Variants in DPP6 observed in about 807,000 individuals in gnomAD.
The protein encoded by DPP6 is A-type potassium channel modulatory protein DPP6.
A neutral mutation model predicts 122.6 loss-of-function variants in DPP6; 69 were observed. The ratio of observed to expected loss-of-function variants is 0.56; its 90% CI spans 0.46 to 0.69. DPP6 has a LOEUF of 0.69. DPP6 is among the 30% of genes least tolerant of loss of function. The pLI is 0.00. For synonymous variants in DPP6, 418 were observed against 433.1 expected (o/e 0.97, Z 0.43); for missense variants, 928 against 1,116.9 (o/e 0.83, Z 2.41).
rs1428862578 is a variant in DPP6 at position 154,483,118 on chromosome 7, G to A, written c.457+8081G>A. Among the ~76,000 whole-genome samples the A allele has an allele frequency of 3.9e-5, 6 of 152,180 alleles. No individual in the cohort carries two copies. Among genetic ancestry groups the A allele is most frequent in the Admixed American group, 2.6e-4 (4 of 15,286 alleles). ...GGGAAGAGGGGAAGAGGGACACGGA[G>A]GTGTCTGAGGAAGTGTGGTCAGGGA... On this transcript the variant is annotated intron_variant, in intron 3 of 25. Transcript: ENST00000377770. The surrounding 1 kb of genome is among the most constrained non-coding windows in gnomAD (Gnocchi z 8.1).
At chr7:153,834,920 A>G in the DPP6 span, among the ~76,000 whole-genome samples, 1 of 152,222 alleles carries the variant, frequency 6.6e-6, no homozygotes, top group Non-Finnish European at 1.5e-5. Flanking sequence ...AGTACTCTGT[A>G]CAATATCTCA....
the DPP6 span, among the ~76,000 whole-genome samples, chr7:153,785,893 GTT>G: frequency 1.0e-4 from 15 of 145,964 alleles, no homozygotes; most frequent in African/African-American, 3.7e-4. Context: ...TTTTAAAACT[GTT>G]TTTTTTTTTT....
chr7:154,871,419 G>A (rs949521375), intron 18 of DPP6, among the ~76,000 whole-genome samples: 3 of 152,294 alleles, frequency 2.0e-5, no homozygotes, highest in African/African-American at 7.2e-5. Flanking sequence ...CAGCCCTACC[G>A]ACCTGACTTG....
chr7:154,363,817 T>C (rs1033399464), intron 1 of DPP6, among the ~76,000 whole-genome samples: 1 of 152,252 alleles, frequency 6.6e-6, no homozygotes, highest in Non-Finnish European at 1.5e-5. Flanking sequence ...AAACATTATC[T>C]CAGGTTTATT....
At chr7:153,953,571 G>T (rs542419128) in intron 1 of DPP6, among the ~76,000 whole-genome samples, 4 of 152,154 alleles carry the variant, frequency 2.6e-5, no homozygotes, top group Non-Finnish European at 4.4e-5. Flanking sequence ...CGCTGCATGG[G>T]CCTGGGCAAG....
At chr7:154,182,472 G>C (rs1302086704) in intron 1 of DPP6, among the ~76,000 whole-genome samples, 1 of 152,092 alleles carries the variant, frequency 6.6e-6, no homozygotes, top group African/African-American at 2.4e-5. Flanking sequence ...CATGCCAAAG[G>C]GATGCTGCTT....
chr7:154,551,113 T>A (rs1028965876), intron 4 of DPP6, among the ~76,000 whole-genome samples: 5 of 152,336 alleles, frequency 3.3e-5, no homozygotes, highest in African/African-American at 7.2e-5. Context: ...AAGTTTGATT[T>A]TTACAAACTT....
intron 1 of DPP6, among the ~76,000 whole-genome samples, chr7:154,339,016 A>G (rs548230115): frequency 6.6e-6 from 1 of 152,342 alleles, no homozygotes; most frequent in South Asian, 2.1e-4. Context: ...TTTAATCTCC[A>G]GATTTCTAAA....
At chr7:154,721,093 A>G (rs1191553456) in intron 7 of DPP6, among the ~76,000 whole-genome samples, 4 of 152,216 alleles carry the variant, frequency 2.6e-5, no homozygotes, top group African/African-American at 9.6e-5. Flanking sequence ...GAGGAAGAGA[A>G]TGTGAGAGGT....
chr7:154,053,562 C>T (rs28706744), intron 1 of DPP6, among the ~76,000 whole-genome samples: 10,718 of 151,502 alleles, frequency 0.071, 729 homozygotes, highest in African/African-American at 0.17. Flanking sequence ...TCAAATGCCT[C>T]TCCTTCGTTC....
At chr7:153,752,253 CT>C in the DPP6 span, among the ~76,000 whole-genome samples, 68,058 of 137,818 alleles carry the variant, frequency 0.49, 16,074 homozygotes, top group East Asian at 0.61. Context: ...ACCACAGCCT[CT>C]TTTTTTTTTT....
the DPP6 span, among the ~76,000 whole-genome samples, chr7:153,793,025 ACTT>A: frequency 2.0e-5 from 3 of 152,140 alleles, no homozygotes; most frequent in Admixed American, 6.5e-5. Flanking sequence ...GTCCAGTTAA[ACTT>A]CTTTTTCTTC....
At chr7:154,832,172 G>A (rs750344151) in intron 16 of DPP6, among the ~76,000 whole-genome samples, 11 of 152,134 alleles carry the variant, frequency 7.2e-5, no homozygotes, top group Admixed American at 2.6e-4. Context: ...AGTGGCTGCC[G>A]TATGCCAGGC....
intron 1 of DPP6, among the ~76,000 whole-genome samples, chr7:153,960,557 G>C (rs1795298506): frequency 6.7e-6 from 1 of 150,076 alleles, no homozygotes. Flanking sequence ...TTTTTCATAG[G>C]AAATACAATA....
intron 1 of DPP6, among the ~76,000 whole-genome samples, chr7:153,899,503 C>T (rs544950568): frequency 3.3e-5 from 5 of 152,272 alleles, no homozygotes; most frequent in South Asian, 2.1e-4. Flanking sequence ...GTTTTCTTCT[C>T]GTCAACTTGG....
At chr7:153,860,387 C>T in the DPP6 span, among the ~76,000 whole-genome samples, 29 of 152,174 alleles carry the variant, frequency 1.9e-4, no homozygotes, top group African/African-American at 6.5e-4. Flanking sequence ...CTGTGTTTGG[C>T]CAGTGGGAGG....
At chr7:154,026,706 A>C (rs1254537179) in intron 1 of DPP6, 2 of 151,512 alleles carry the variant, frequency 1.3e-5, no homozygotes, top group East Asian at 4.0e-4. Context: ...TAAGAGCAAA[A>C]GAAATGAAAT....
chr7:154,599,950 C>T (rs1247353409), intron 5 of DPP6, among the ~76,000 whole-genome samples: 1 of 152,078 alleles, frequency 6.6e-6, no homozygotes, highest in Non-Finnish European at 1.5e-5. Flanking sequence ...AAACTTTCCT[C>T]TCTGCTGTGG....
At chr7:154,395,680 T>G (rs1384609765) in intron 1 of DPP6, among the ~76,000 whole-genome samples, 1 of 152,152 alleles carries the variant, frequency 6.6e-6, no homozygotes, top group African/African-American at 2.4e-5. Context: ...TATATAAAAT[T>G]GTATCATGTG....
Sources: allele counts gnomAD v4.1 joint callset (sites outside exome capture counted in the v4.1 genomes callset), GRCh38; gene constraint gnomAD v4.1.1; non-coding constraint Gnocchi (gnomAD v3.1); transcripts MANE v1.5; gene names NCBI Gene and HGNC (gene_info 2026-07-23, HGNC 2026-07-21).